The following EDNRB variants were observed in gnomAD, a reference collection of about 807,000 sequenced individuals.
EDNRB encodes Hirschsprung disease 2.
Under a neutral mutation model 46.4 loss-of-function variants are expected in EDNRB, and 18 were observed. That is an observed-to-expected ratio of 0.39 (90% CI 0.27 to 0.57). The LOEUF is 0.57. Ranked by LOEUF, EDNRB falls within the 20% of genes least tolerant of loss-of-function variation. EDNRB has a pLI of 0.61. For missense variants in EDNRB, 434 were observed against 537.5 expected (o/e 0.81, Z 1.90); for synonymous variants, 213 against 204.9 (o/e 1.04, Z -0.34).
chr13:77,900,024 C>A, intron 5 of EDNRB, 57 bp from the exon 6 acceptor site: 2 of 1,434,064 alleles, frequency 1.4e-6, no homozygotes, highest in South Asian at 2.3e-5. Flanking sequence ...AACATGTAGT[C>A]ATTGTAGCTT....
chr13:77,919,728 G>C, upstream of EDNRB: 1 of 1,030,582 alleles, frequency 9.7e-7, no homozygotes, highest in Non-Finnish European at 1.4e-6. Flanking sequence ...CCGAGGGAGG[G>C]GGGCAGTCCT....
chr13:77,900,548 T>A lies in EDNRB; in HGVS notation c.1058A>T (p.Asn353Ile). Residue 353 changes from asparagine (N) to isoleucine (I), a missense_variant, in exon 5 of 7, where the codon AAT becomes ATT. Coordinates refer to ENST00000646607, the MANE Select transcript of EDNRB (RefSeq NM_001122659.3). ...RILKLTLYNQNDPNRCELLSF... is the reference protein window; with the variant it reads ...RILKLTLYNQIDPNRCELLSF... ...CAAAAGTTCACATCTATTGGGATCA[T>A]TCTGATTATAAAGAGTGAGCTTCAG... The A allele has an allele frequency of 6.2e-7, 1 of 1,612,542 alleles. No homozygotes were observed. The highest frequency in any genetic ancestry group is 1.1e-5 in the South Asian group (1 of 91,066).
intron 1 of EDNRB, among the ~76,000 whole-genome samples, chr13:77,946,918 G>A (rs1218278035): frequency 6.6e-6 from 1 of 152,218 alleles, no homozygotes. Flanking sequence ...GCAAGGGTGA[G>A]AAATGGTTCT....
intron 1 of EDNRB, among the ~76,000 whole-genome samples, chr13:77,914,118 A>G (rs548275427): frequency 6.6e-6 from 1 of 152,236 alleles, no homozygotes; most frequent in Non-Finnish European, 1.5e-5. Context: ...CTAGCACAAT[A>G]TGGCAATATC....
chr13:77,945,608 T>C (rs1454577347), intron 1 of EDNRB, among the ~76,000 whole-genome samples: 1 of 152,146 alleles, frequency 6.6e-6, no homozygotes. Flanking sequence ...AGTTTCACAA[T>C]GACTTGTAGC....
At position 77,896,459 on chromosome 13, in the gene EDNRB, T is replaced by C. The variant is rs1878628910; in HGVS notation, c.*1741A>G. On this transcript the variant is annotated 3_prime_UTR_variant, in exon 7 of 7. Coordinates refer to ENST00000646607, the MANE Select transcript of EDNRB (RefSeq NM_001122659.3). ...TGTGTGAATTAATTATTATTGCTCT[T>C]TCTTTCTGGCCACATTGTTGGGTTT... 1 of 1,570,868 alleles carries C rather than the reference T, an allele frequency of 6.4e-7. No homozygotes were observed. The highest frequency in any genetic ancestry group is 1.8e-5 in the Admixed American group (1 of 54,952).
chr13:77,901,243 C>T (rs1878963612), intron 3 of EDNRB, 36 bp from the exon 4 acceptor site: 9 of 1,601,996 alleles, frequency 5.6e-6, no homozygotes, highest in African/African-American at 1.3e-5. Flanking sequence ...ATTAATACTC[C>T]TCTGTAAGAA....
intron 1 of EDNRB, among the ~76,000 whole-genome samples, chr13:77,931,225 G>A (rs1408305013): frequency 7.9e-5 from 12 of 151,992 alleles, no homozygotes; most frequent in African/African-American, 2.7e-4. Context: ...AGACATTAAT[G>A]GAAAGGCTGA....
At chr13:77,942,062 C>A (rs1014889336) in intron 1 of EDNRB, among the ~76,000 whole-genome samples, 2 of 152,148 alleles carry the variant, frequency 1.3e-5, no homozygotes, top group Admixed American at 6.5e-5. Context: ...TGTGCTTTGT[C>A]TAAACAAAAA....
At chr13:77,961,454 C>G (rs1488396380) in intron 1 of EDNRB, among the ~76,000 whole-genome samples, 2 of 152,102 alleles carry the variant, frequency 1.3e-5, no homozygotes, top group Non-Finnish European at 2.9e-5. Context: ...TGCAATCAAA[C>G]TAGAACTCAG....
At chr13:77,923,458 G>A (rs945557555), upstream of EDNRB, among the ~76,000 whole-genome samples, 5 of 152,134 alleles carry the variant, frequency 3.3e-5, no homozygotes, top group African/African-American at 1.2e-4. Flanking sequence ...GTTTGTCAAT[G>A]CACACTGTAT....
At chr13:77,966,453 C>T (rs561652692) in intron 1 of EDNRB, among the ~76,000 whole-genome samples, 3 of 152,238 alleles carry the variant, frequency 2.0e-5, no homozygotes, top group African/African-American at 7.2e-5. Flanking sequence ...TTTTAACACA[C>T]AATAAATCCT....
upstream of EDNRB, among the ~76,000 whole-genome samples, chr13:77,922,818 A>T (rs1292555247): frequency 1.3e-5 from 2 of 152,150 alleles, no homozygotes; most frequent in African/African-American, 2.4e-5. Context: ...CAATCCTGTG[A>T]CCCATACCTA....
chr13:77,966,708 T>C (rs1293468056), intron 1 of EDNRB, among the ~76,000 whole-genome samples: 1 of 152,216 alleles, frequency 6.6e-6, no homozygotes, highest in Non-Finnish European at 1.5e-5. Flanking sequence ...GCAGTTACTC[T>C]TTCAACATAG....
At chr13:77,934,858 G>A (rs1428740116) in intron 1 of EDNRB, among the ~76,000 whole-genome samples, 1 of 152,126 alleles carries the variant, frequency 6.6e-6, no homozygotes, top group Non-Finnish European at 1.5e-5. Context: ...ATTATGCCTG[G>A]TGGAACTGCC....
upstream of EDNRB, among the ~76,000 whole-genome samples, chr13:77,924,378 G>A (rs1278931725): frequency 6.6e-6 from 1 of 152,122 alleles, no homozygotes; most frequent in African/African-American, 2.4e-5. Flanking sequence ...AAATGCACAG[G>A]CGACTTACTT....
chr13:77,935,415 G>A (rs1880533089), intron 1 of EDNRB, among the ~76,000 whole-genome samples: 1 of 152,146 alleles, frequency 6.6e-6, no homozygotes, highest in South Asian at 2.1e-4. Context: ...AAAGAGTGGG[G>A]AAAGGATTTA....
intron 1 of EDNRB, among the ~76,000 whole-genome samples, chr13:77,969,858 T>C (rs1440135875): frequency 2.0e-5 from 3 of 152,178 alleles, no homozygotes; most frequent in Non-Finnish European, 1.5e-5. Flanking sequence ...AAAGTGTAAA[T>C]GAGCAGCCAG....
chr13:77,908,240 C>G (rs768296281), intron 1 of EDNRB, among the ~76,000 whole-genome samples: 67 of 151,990 alleles, frequency 4.4e-4, no homozygotes, highest in Non-Finnish European at 8.2e-4. Flanking sequence ...CTCTGCCTCA[C>G]TGATCAGAAG....
Sources: gnomAD v4.1 joint callset for allele counts (sites outside exome capture counted in the v4.1 genomes callset) on GRCh38, gnomAD v4.1.1 for gene constraint, MANE v1.5 for transcripts, NCBI Gene and HGNC (gene_info 2026-07-23, HGNC 2026-07-21) for gene names.